The following NUDT3 variants were observed in gnomAD, a reference collection of about 807,000 sequenced individuals.
NUDT3 encodes diphosphoinositol polyphosphate phosphohydrolase 1.
A neutral mutation model predicts 23.6 loss-of-function variants in NUDT3; 9 were observed. That is an observed-to-expected ratio of 0.38 (90% CI 0.23 to 0.66). The LOEUF is 0.66. Ranked by LOEUF, NUDT3 falls within the 30% of genes least tolerant of loss-of-function variation. The pLI, the probability that NUDT3 is intolerant of heterozygous loss-of-function variation, is 0.52. For missense variants in NUDT3, 172 were observed against 218.5 expected (o/e 0.79, Z 1.34); for synonymous variants, 86 against 82.6 (o/e 1.04, Z -0.22).
intron 2 of NUDT3, among the ~76,000 whole-genome samples, chr6:34,319,600 T>C (rs1763909901): frequency 6.6e-6 from 1 of 152,178 alleles, no homozygotes; most frequent in Admixed American, 6.5e-5. Flanking sequence ...CTTAGGCCTT[T>C]TATGGAGACT....
In NUDT3 at chr6:34,388,770, C is replaced by T. The variant is rs148115304; in HGVS notation, c.99+3494G>A. The stretch of plus-strand genomic sequence containing the variant: ...CTTTAATACATGCTTTTTGTTGTTT[C>T]TCATACATGTTTGTTGAACTGAACA... On this transcript the variant is annotated intron_variant, in intron 1 of 4. Coordinates refer to ENST00000607016, the MANE Select transcript of NUDT3 (RefSeq NM_006703.4). Among the ~76,000 whole-genome samples the T allele has an allele frequency of 9.2e-3, 1,401 of 152,256 alleles. 15 individuals carry two copies. The highest frequency in any genetic ancestry group is 0.024 in the Middle Eastern group (7 of 294).
rs571152123 is a variant in NUDT3 at position 34,321,350 on chromosome 6, A to G, written c.210+20512T>C. Among the ~76,000 whole-genome samples, 20 of 152,224 alleles carry G rather than the reference A, an allele frequency of 1.3e-4. No individual in the cohort carries two copies. The East Asian group carries it at 3.7e-3, about 28-fold the overall frequency. On this transcript the variant is annotated intron_variant, in intron 2 of 4. Coordinates refer to ENST00000607016, the MANE Select transcript of NUDT3 (RefSeq NM_006703.4). ...CTACTCAAGAGGCTGAGACAGGAGA[A>G]TCGCTTGAACCTGGGAGGCAGAGAT...
At position 34,365,348 on chromosome 6, in the gene NUDT3, G is replaced by C. The variant is rs376282506; in HGVS notation, c.100-23376C>G. Reference sequence around the variant, plus strand: ...GGAGACTGAGGCAGGAGAATCACTTGAACCTGGGAGGCAGAGGTTGCAGTG... The same window carrying C: ...GGAGACTGAGGCAGGAGAATCACTTCAACCTGGGAGGCAGAGGTTGCAGTG... On this transcript the variant is annotated intron_variant, in intron 1 of 4. Transcript: ENST00000607016. 1.6e-4 allele frequency among the ~76,000 whole-genome samples: 25 copies of C among 152,206 alleles called. No homozygotes were observed. In the East Asian group the frequency reaches 3.1e-3, roughly 19 times the overall value.
chr6:34,352,957 G>C (rs1764499998), intron 1 of NUDT3, among the ~76,000 whole-genome samples: 1 of 152,028 alleles, frequency 6.6e-6, no homozygotes, highest in African/African-American at 2.4e-5. Flanking sequence ...TATGTGTCTA[G>C]AATTCGTCTT....
intron 1 of NUDT3, among the ~76,000 whole-genome samples, chr6:34,382,434 G>T (rs1008907563): frequency 1.3e-5 from 2 of 151,962 alleles, no homozygotes; most frequent in Non-Finnish European, 2.9e-5. Context: ...CAAAGTATAA[G>T]CACAATGTAA....
rs1300528792 is a variant in NUDT3 at position 34,287,765 on chromosome 6, T to C, written c.*988A>G. On this transcript the variant is annotated 3_prime_UTR_variant, in exon 5 of 5. Transcript: ENST00000607016. ...AAGAGAGGCCATTGTTGGCAATAAA[T>C]AGCATTACGGAAAAGATTCCAAACC... 2.0e-5 allele frequency: 3 copies of C among 152,168 alleles called. No homozygotes were observed. The highest frequency in any genetic ancestry group is 2.1e-4 in the South Asian group (1 of 4,836). The allele number at this position is 152,168 out of a possible 1,614,324, so 9.4% of individuals were successfully genotyped here.
At chr6:34,313,745 G>A (rs1037138858) in intron 2 of NUDT3, among the ~76,000 whole-genome samples, 3 of 149,600 alleles carry the variant, frequency 2.0e-5, no homozygotes, top group Admixed American at 6.6e-5. Context: ...GGCAGATCAC[G>A]AGGTCAGGAG....
intron 1 of NUDT3, among the ~76,000 whole-genome samples, chr6:34,348,625 A>C (rs1764418198): frequency 6.6e-6 from 1 of 151,856 alleles, no homozygotes; most frequent in South Asian, 2.1e-4. Context: ...AAAATACAAA[A>C]ATTAGCCGGG....
chr6:34,352,054 A>C (rs886980442), intron 1 of NUDT3, among the ~76,000 whole-genome samples: 1 of 152,196 alleles, frequency 6.6e-6, no homozygotes, highest in Non-Finnish European at 1.5e-5. Flanking sequence ...AAACAAAAAA[A>C]AACTTATAAT....
At chr6:34,349,563 C>T (rs914383094) in intron 1 of NUDT3, among the ~76,000 whole-genome samples, 8 of 150,608 alleles carry the variant, frequency 5.3e-5, no homozygotes, top group East Asian at 1.9e-4. Context: ...GGGAAACCGA[C>T]GGTGATTTTG....
chr6:34,283,544 T>C lies in NUDT3; in HGVS notation c.*5209A>G, dbSNP rs1763302043. On this transcript the variant is annotated 3_prime_UTR_variant, in exon 5 of 5. Transcript: ENST00000607016. Reference sequence around the variant, plus strand: ...ATAAGGGGACTAGAAGGACAAACTATTTGATTAATTTGAAGGTGAGAGGTA... The same window carrying C: ...ATAAGGGGACTAGAAGGACAAACTACTTGATTAATTTGAAGGTGAGAGGTA... 6.6e-6 allele frequency: 1 copy of C among 152,192 alleles called. No homozygotes were observed. The highest frequency in any genetic ancestry group is 1.5e-5 in the Non-Finnish European group (1 of 68,028). 9.4% of individuals were successfully genotyped at this position (152,192 alleles called of 1,614,324 possible).
At chr6:34,322,367 C>A (rs1441645928) in intron 2 of NUDT3, among the ~76,000 whole-genome samples, 2 of 151,994 alleles carry the variant, frequency 1.3e-5, no homozygotes, top group Non-Finnish European at 2.9e-5. Flanking sequence ...AGTAGCTGGG[C>A]TATAGGCACC....
chr6:34,304,594 G>A (rs1042222594), intron 2 of NUDT3, among the ~76,000 whole-genome samples: 9 of 151,992 alleles, frequency 5.9e-5, no homozygotes, highest in African/African-American at 1.9e-4. Context: ...CAGGAAGGAA[G>A]GTGATTACTA....
intron 1 of NUDT3, among the ~76,000 whole-genome samples, chr6:34,362,426 T>G (rs1193126632): frequency 6.6e-6 from 1 of 152,170 alleles, no homozygotes; most frequent in Non-Finnish European, 1.5e-5. Context: ...TCCTCCTGCC[T>G]TGGCCTCCCA....
chr6:34,351,198 T>TACAAAAAAAA, intron 1 of NUDT3, among the ~76,000 whole-genome samples: 1 of 17,894 alleles, frequency 5.6e-5, no homozygotes, highest in Non-Finnish European at 1.1e-4. Context: ...CTCCCCTGCC[T>TACAAAAAAAA]AAAAAAAAAA....
In NUDT3 at chr6:34,285,201, A is replaced by G. The variant is rs929969753; in HGVS notation, c.*3552T>C. On this transcript the variant is annotated 3_prime_UTR_variant, in exon 5 of 5. Coordinates refer to ENST00000607016, the MANE Select transcript of NUDT3 (RefSeq NM_006703.4). Reference sequence around the variant, plus strand: ...AAAACACTAACTGTTCCATCCTGTTATATTTGCTGTGAGGAAAATTAAGAT... The same window carrying G: ...AAAACACTAACTGTTCCATCCTGTTGTATTTGCTGTGAGGAAAATTAAGAT... 1 of 152,228 alleles carries G rather than the reference A, an allele frequency of 6.6e-6. No individual in the cohort carries two copies. Among genetic ancestry groups the G allele is most frequent in the African/African-American group, 2.4e-5 (1 of 41,454 alleles). 9.4% of individuals were successfully genotyped at this position (152,228 alleles called of 1,614,324 possible).
rs976206135 is a variant in NUDT3, at chr6:34,280,169, C to A, written c.*8584G>T. ...ACCTCGAGAAAAGGAAACAGGAAAA[C>A]TATTTCCTTCCGCCTTCTCTGGACC... On this transcript the variant is annotated 3_prime_UTR_variant, in exon 5 of 5. Transcript: ENST00000607016. 3 of 152,224 alleles carry A rather than the reference C, an allele frequency of 2.0e-5. No individual in the cohort carries two copies. Among genetic ancestry groups the A allele is most frequent in the African/African-American group, 7.2e-5 (3 of 41,454 alleles). The allele number at this position is 152,224 out of a possible 1,614,324, so 9.4% of individuals were successfully genotyped here. A position where few individuals can be genotyped will look rare whatever the true frequency, so the allele number is the denominator to read the frequency against.
At chr6:34,326,364 T>C (rs1171908418) in intron 2 of NUDT3, among the ~76,000 whole-genome samples, 2 of 152,204 alleles carry the variant, frequency 1.3e-5, no homozygotes, top group African/African-American at 4.8e-5. Flanking sequence ...AAAAACTATC[T>C]TCTAAGAGGT....
chr6:34,324,498 G>C (rs1763993490), intron 2 of NUDT3, among the ~76,000 whole-genome samples: 1 of 152,126 alleles, frequency 6.6e-6, no homozygotes, highest in Non-Finnish European at 1.5e-5. Flanking sequence ...TTGACTTCCT[G>C]GCCTCAAGTG....
Sources: allele counts gnomAD v4.1 joint callset (sites outside exome capture counted in the v4.1 genomes callset), GRCh38; gene constraint gnomAD v4.1.1; transcripts MANE v1.5; gene names NCBI Gene and HGNC (gene_info 2026-07-23, HGNC 2026-07-21).